The following NSMAF variants were observed in gnomAD, a reference collection of about 807,000 sequenced individuals.
NSMAF encodes neutral sphingomyelinase activation associated factor.
Under a neutral mutation model 134.9 loss-of-function variants are expected in NSMAF, and 90 were observed. That is an observed-to-expected ratio of 0.67 (90% CI 0.56 to 0.79). The LOEUF is 0.79. Among genes scored for constraint, NSMAF ranks in the 30% least tolerant of loss-of-function variants. NSMAF has a pLI of 0.00. For missense variants in NSMAF, 1,010 were observed against 1,119.0 expected (o/e 0.90, Z 1.39); for synonymous variants, 358 against 389.6 (o/e 0.92, Z 0.96).
intron 1 of NSMAF, among the ~76,000 whole-genome samples, chr8:58,656,811 CA>C (rs1392001072): frequency 6.6e-6 from 1 of 151,876 alleles, no homozygotes; most frequent in Non-Finnish European, 1.5e-5. Context: ...GCCTGGGCAA[CA>C]GAGCGAGACT....
chr8:58,591,159 T>G (rs994699759), intron 23 of NSMAF: 12 of 365,120 alleles, frequency 3.3e-5, no homozygotes, highest in Non-Finnish European at 5.2e-5. Flanking sequence ...AATTTAAAAA[T>G]CCAGCACAGA....
chr8:58,602,260 G>C (rs1474188603), intron 13 of NSMAF, 123 bp from the exon 14 acceptor site: 5 of 648,426 alleles, frequency 7.7e-6, no homozygotes, highest in Non-Finnish European at 1.3e-5. Flanking sequence ...CAATCCATGA[G>C]AGTTATTTTT....
intron 6 of NSMAF, among the ~76,000 whole-genome samples, chr8:58,624,707 A>C (rs1806876894): frequency 6.6e-6 from 1 of 152,152 alleles, no homozygotes; most frequent in African/African-American, 2.4e-5. Flanking sequence ...GCTTGAGAGG[A>C]AAGTGTATTC....
At chr8:58,635,582 A>G (rs754737567) in intron 2 of NSMAF, 36 bp from the exon 3 acceptor site, 23 of 1,283,312 alleles carry the variant, frequency 1.8e-5, no homozygotes, top group Non-Finnish European at 2.2e-5. Context: ...TTTGATGAGC[A>G]TAACAAAAAT....
At chr8:58,642,367 C>T (rs1421361557) in intron 2 of NSMAF, among the ~76,000 whole-genome samples, 2 of 152,208 alleles carry the variant, frequency 1.3e-5, no homozygotes, top group African/African-American at 4.8e-5. Flanking sequence ...AGCTTCATTA[C>T]ATGCTTCTGT....
chr8:58,635,656 A>T (rs1807157963), intron 2 of NSMAF, 110 bp from the exon 3 acceptor site: 2 of 663,682 alleles, frequency 3.0e-6, no homozygotes, highest in Admixed American at 2.8e-5. Flanking sequence ...ATAATAAAAG[A>T]TCAATAATGC....
intron 1 of NSMAF, among the ~76,000 whole-genome samples, chr8:58,656,217 T>C (rs938719465): frequency 4.0e-5 from 6 of 151,844 alleles, no homozygotes; most frequent in African/African-American, 1.4e-4. Flanking sequence ...TTGGCCAGGC[T>C]GGTCTCGAAC....
intron 10 of NSMAF, among the ~76,000 whole-genome samples, chr8:58,608,424 G>C (rs1415858040): frequency 1.3e-5 from 2 of 152,162 alleles, no homozygotes; most frequent in Admixed American, 6.5e-5. Flanking sequence ...TAAAAAGGCA[G>C]AGATTGGCTA....
chr8:58,599,539 G>T, intron 18 of NSMAF, 176 bp from the exon 19 acceptor site: 2 of 921,444 alleles, frequency 2.2e-6, no homozygotes, highest in Non-Finnish European at 1.6e-6. Flanking sequence ...AAAGTGGCAA[G>T]AATCATTTTC....
chr8:58,625,394 A>ATATATATGTATGTATG (rs145506455), intron 6 of NSMAF, among the ~76,000 whole-genome samples: 174 of 151,648 alleles, frequency 1.1e-3, no homozygotes, highest in Non-Finnish European at 1.8e-3. Context: ...ATGTATATGC[A>ATATATATGTATGTATG]TATGTATGTA....
At position 58,631,485 on chromosome 8, in the gene NSMAF, G is replaced by A. The variant is rs747701975; in HGVS notation, c.384+11C>T. 1 of 1,468,694 alleles carries A rather than the reference G, an allele frequency of 6.8e-7. No individual in the cohort carries two copies. The highest frequency in any genetic ancestry group is 1.3e-5 in the South Asian group (1 of 79,236). The allele number at this position is 1,468,694 out of a possible 1,614,324, so 91.0% of individuals were successfully genotyped here. On this transcript the variant is annotated intron_variant, in intron 6 of 30. Transcript: ENST00000038176. ...ATAAATTGCTGGAAATACATGAAAA[G>A]CTTTACTTACCCTTTCTATTTTATA... is the stretch of plus-strand genomic sequence containing the variant.
intron 1 of NSMAF, among the ~76,000 whole-genome samples, chr8:58,652,101 G>T (rs1258237524): frequency 6.6e-6 from 1 of 152,106 alleles, no homozygotes; most frequent in Non-Finnish European, 1.5e-5. Context: ...CCTTAGTTCA[G>T]CTTGGCTCCA....
chr8:58,583,569 C>G lies in NSMAF; in HGVS notation c.*537G>C, dbSNP rs2129608650. ...TAGCTGTAATGAAATACAAACCGTTCCTATACACAGTAAACTTACTAAGAA... is the reference window on the plus strand; with the variant it reads ...TAGCTGTAATGAAATACAAACCGTTGCTATACACAGTAAACTTACTAAGAA... On this transcript the variant is annotated 3_prime_UTR_variant, in exon 31 of 31. Coordinates refer to ENST00000038176, the MANE Select transcript of NSMAF (RefSeq NM_003580.4). 1 of 155,282 alleles carries G rather than the reference C, an allele frequency of 6.4e-6. No homozygotes were observed. Among genetic ancestry groups the G allele is most frequent in the South Asian group, 2.0e-4 (1 of 5,110 alleles). 9.6% of individuals were successfully genotyped at this position (155,282 alleles called of 1,614,324 possible). A position where few individuals can be genotyped will look rare whatever the true frequency, so the allele number is the denominator to read the frequency against.
At chr8:58,621,427 A>C (rs948859637) in intron 9 of NSMAF, among the ~76,000 whole-genome samples, 2 of 152,150 alleles carry the variant, frequency 1.3e-5, no homozygotes, top group Non-Finnish European at 2.9e-5. Flanking sequence ...CTACGTGTGC[A>C]TGTATCTTTA....
chr8:58,605,777 G>A, intron 12 of NSMAF, 150 bp downstream of exon 12: 3 of 822,364 alleles, frequency 3.6e-6, no homozygotes, highest in Non-Finnish European at 5.0e-6. Flanking sequence ...CTACTCGGGA[G>A]GCTGAGGCAC....
In NSMAF at chr8:58,601,234, A is replaced by C. The variant is rs181540899; in HGVS notation, c.1280+51T>G. 369 of 1,407,708 alleles carry C rather than the reference A, an allele frequency of 2.6e-4. 1 individual carries two copies. In the African/African-American group the frequency reaches 4.4e-3, roughly 17 times the overall value. The allele number at this position is 1,407,708 out of a possible 1,614,324, so 87.2% of individuals were successfully genotyped here. On this transcript the variant is annotated intron_variant, in intron 16 of 30. Coordinates refer to ENST00000038176, the MANE Select transcript of NSMAF (RefSeq NM_003580.4). ...GTGCTTTGAAACAAGTATGTTGTAT[A>C]TATACAATCAGAAAGTGTTAAAAAT...
At chr8:58,621,304 G>A (rs1219632439) in intron 9 of NSMAF, among the ~76,000 whole-genome samples, 7 of 152,156 alleles carry the variant, frequency 4.6e-5, no homozygotes, top group Non-Finnish European at 7.3e-5. Context: ...TGGCTGCAAA[G>A]TATTCCATGG....
At chr8:58,615,806 A>G (rs1806641879) in intron 9 of NSMAF, among the ~76,000 whole-genome samples, 1 of 152,194 alleles carries the variant, frequency 6.6e-6, no homozygotes, top group Non-Finnish European at 1.5e-5. Flanking sequence ...TGAAGGAAGG[A>G]AATCATAAAA....
Position 58,595,643 on chromosome 8 carries a change from TTCAAAAGAC to T in NSMAF, c.1800_1808del (p.Ser601_Glu603del). 1 of 1,613,372 alleles carries T rather than the reference TTCAAAAGAC, an allele frequency of 6.2e-7. No individual in the cohort carries two copies. The stretch of plus-strand genomic sequence containing the variant: ...GTGTTTTGCTTTCTTCGGTCAGGTC[TTCAAAAGAC>T]TCTTCACCTGGAGAGACGACATTAA... On this transcript the variant is annotated inframe_deletion, in exon 22 of 31. Transcript: ENST00000038176.
Sources: allele counts gnomAD v4.1 joint callset (sites outside exome capture counted in the v4.1 genomes callset), GRCh38; gene constraint gnomAD v4.1.1; transcripts MANE v1.5; gene names NCBI Gene and HGNC (gene_info 2026-07-23, HGNC 2026-07-21).